Variants in CLVS2 observed in about 807,000 individuals in gnomAD.
CLVS2 encodes clavesin 2, also known as clavesin-2.
CLVS2 carries 19 observed loss-of-function variants against 29.0 expected under a neutral mutation model. The observed-to-expected ratio is 0.66, with a 90% confidence interval of 0.46 to 0.96. The LOEUF (loss-of-function observed/expected upper bound fraction) is 0.96, where lower values mean the gene tolerates loss of function less well. CLVS2 is among the 40% of genes least tolerant of loss of function. CLVS2 has a pLI of 0.00. For synonymous variants in CLVS2, 161 were observed against 151.3 expected, an observed-to-expected ratio of 1.06 and a Z score of -0.47; for missense variants, 294 against 404.1, an observed-to-expected ratio of 0.73 and a Z score of 2.34.
Position 123,037,834 on chromosome 6 carries a change from A to G in CLVS2, c.565-10788A>G, listed in dbSNP as rs1029875702. ...CTCCACATTAAATTGGTTGCACTAA[A>G]ATATAAATATTAAAATGTGAAGTTT... On this transcript the variant is annotated intron_variant, in intron 3 of 5. Transcript: ENST00000275162. Among the ~76,000 whole-genome samples the G allele has an allele frequency of 2.0e-4, 31 of 152,186 alleles. 2 individuals carry two copies. The highest frequency in any genetic ancestry group is 1.6e-3 in the Admixed American group (24 of 15,258).
intron 3 of CLVS2, among the ~76,000 whole-genome samples, chr6:123,013,635 T>C (rs1216013720): frequency 1.3e-5 from 2 of 151,110 alleles, no homozygotes. Flanking sequence ...AACCTACTTA[T>C]TTTTTTGCAT....
At chr6:123,052,256 C>G (rs1037525062) in intron 4 of CLVS2, among the ~76,000 whole-genome samples, 1 of 152,022 alleles carries the variant, frequency 6.6e-6, no homozygotes, top group African/African-American at 2.4e-5. Context: ...GACAAGGGGC[C>G]TTTTAAGAAG....
intron 3 of CLVS2, among the ~76,000 whole-genome samples, chr6:123,040,014 C>T (rs1419452427): frequency 6.6e-6 from 1 of 152,114 alleles, no homozygotes; most frequent in Non-Finnish European, 1.5e-5. Flanking sequence ...GAGTTTTATC[C>T]TGGTATAGAG....
chr6:123,032,114 TA>T (rs1775091778), intron 3 of CLVS2, among the ~76,000 whole-genome samples: 1 of 152,112 alleles, frequency 6.6e-6, no homozygotes, highest in Non-Finnish European at 1.5e-5. Flanking sequence ...TGGGTTCACT[TA>T]ACTCTTAACT....
chr6:123,054,166 C>T (rs2114361224), intron 4 of CLVS2, among the ~76,000 whole-genome samples: 1 of 152,130 alleles, frequency 6.6e-6, no homozygotes, highest in African/African-American at 2.4e-5. Context: ...GTGAATGATC[C>T]CATTTGATAA....
intron 3 of CLVS2, among the ~76,000 whole-genome samples, chr6:123,039,522 G>A (rs1298637427): frequency 6.6e-6 from 1 of 152,118 alleles, no homozygotes; most frequent in East Asian, 1.9e-4. Flanking sequence ...TGAGACTGGT[G>A]CTTCCTAGAC....
rs974753697 is a variant in CLVS2, at chr6:123,065,859, G to A, written c.*2098G>A. On this transcript the variant is annotated 3_prime_UTR_variant, in exon 6 of 6. Transcript: ENST00000275162. ...CAGTTTCAGATGTCAACCAGCATTGGCAGCTTCTTTCCCCTATCGTAAAGT... is the reference window on the plus strand; with the variant it reads ...CAGTTTCAGATGTCAACCAGCATTGACAGCTTCTTTCCCCTATCGTAAAGT... 3 of 151,686 alleles carry A rather than the reference G, an allele frequency of 2.0e-5. No individual in the cohort carries two copies. The highest frequency in any genetic ancestry group is 7.3e-5 in the African/African-American group (3 of 41,368). The allele number at this position is 151,686 out of a possible 1,614,324, so 9.4% of individuals were successfully genotyped here. A position where few individuals can be genotyped will look rare whatever the true frequency, so the allele number is the denominator to read the frequency against.
At chr6:123,054,877 T>C (rs1489314470) in intron 4 of CLVS2, among the ~76,000 whole-genome samples, 1 of 151,824 alleles carries the variant, frequency 6.6e-6, no homozygotes, top group African/African-American at 2.4e-5. Context: ...CAGAAATGCA[T>C]GAAGAAAATG....
intron 4 of CLVS2, among the ~76,000 whole-genome samples, chr6:123,054,852 A>G (rs1215730940): frequency 6.6e-6 from 1 of 151,318 alleles, no homozygotes; most frequent in Non-Finnish European, 1.5e-5. Context: ...ACTATTTAGG[A>G]TGGTAGAAGA....
At chr6:123,037,693 T>C (rs1775174402) in intron 3 of CLVS2, among the ~76,000 whole-genome samples, 1 of 152,050 alleles carries the variant, frequency 6.6e-6, no homozygotes, top group Non-Finnish European at 1.5e-5. Flanking sequence ...ACCTGGTATG[T>C]GGATGTCTGT....
intron 3 of CLVS2, among the ~76,000 whole-genome samples, chr6:123,012,473 A>G (rs1244540399): frequency 1.3e-5 from 2 of 151,666 alleles, no homozygotes; most frequent in Non-Finnish European, 2.9e-5. Flanking sequence ...GGACTGGAGA[A>G]CTCATATTTT....
rs1489249576 is a variant in CLVS2 at position 123,065,195 on chromosome 6, A to G, written c.*1434A>G. The stretch of plus-strand genomic sequence containing the variant: ...TTCATAAAATTTATACAATTACAGC[A>G]AATCTTAATTTTTTAATTTTAAATT... On this transcript the variant is annotated 3_prime_UTR_variant, in exon 6 of 6. Coordinates refer to ENST00000275162, the MANE Select transcript of CLVS2 (RefSeq NM_001010852.4). 1 of 151,870 alleles carries G rather than the reference A, an allele frequency of 6.6e-6. No homozygotes were observed. Among genetic ancestry groups the G allele is most frequent in the East Asian group, 1.9e-4 (1 of 5,202 alleles). The allele number at this position is 151,870 out of a possible 1,614,324, so 9.4% of individuals were successfully genotyped here.
intron 3 of CLVS2, among the ~76,000 whole-genome samples, chr6:123,038,512 A>G (rs1775185558): frequency 1.3e-5 from 2 of 152,144 alleles, no homozygotes; most frequent in Admixed American, 6.6e-5. Flanking sequence ...ACATGCATGC[A>G]TATGTATAGT....
intron 3 of CLVS2, among the ~76,000 whole-genome samples, chr6:123,037,637 C>G (rs1274120239): frequency 6.6e-6 from 1 of 152,014 alleles, no homozygotes; most frequent in East Asian, 1.9e-4. Context: ...CCCTGACCCT[C>G]ACTGCCTTAA....
At position 123,065,520 on chromosome 6, in the gene CLVS2, C is replaced by T. The variant is rs1013275539; in HGVS notation, c.*1759C>T. 1.3e-5 allele frequency: 2 copies of T among 151,810 alleles called. No individual in the cohort carries two copies. The highest frequency in any genetic ancestry group is 4.8e-5 in the African/African-American group (2 of 41,400). 9.4% of individuals were successfully genotyped at this position (151,810 alleles called of 1,614,324 possible). On this transcript the variant is annotated 3_prime_UTR_variant, in exon 6 of 6. Coordinates refer to ENST00000275162, the MANE Select transcript of CLVS2 (RefSeq NM_001010852.4). ...AAGATACCTTAATAATGCCAACCTC[C>T]AGTCAAGTGCAGAAGAATAATGACT...
chr6:123,054,026 G>A (rs748036813), intron 4 of CLVS2, among the ~76,000 whole-genome samples: 22 of 152,054 alleles, frequency 1.4e-4, no homozygotes, highest in Admixed American at 9.8e-4. Flanking sequence ...AGGCCAAAGC[G>A]GAAAATGATG....
chr6:123,048,353 T>G (rs113170150), intron 3 of CLVS2, among the ~76,000 whole-genome samples: 1,760 of 152,230 alleles, frequency 0.012, 27 homozygotes, highest in African/African-American at 0.041. Flanking sequence ...TAGCAGTTTA[T>G]AGGCTTAAAC....
intron 3 of CLVS2, among the ~76,000 whole-genome samples, chr6:123,015,276 T>C (rs930870420): frequency 6.6e-6 from 1 of 151,828 alleles, no homozygotes; most frequent in African/African-American, 2.4e-5. Context: ...TCTCCAAATA[T>C]AGGGAGGTTT....
At chr6:123,043,597 A>G (rs1343783841) in intron 3 of CLVS2, among the ~76,000 whole-genome samples, 6 of 152,192 alleles carry the variant, frequency 3.9e-5, no homozygotes, top group Non-Finnish European at 8.8e-5. Context: ...ATTTCTGCTT[A>G]TGTTCACACT....
Sources: allele counts gnomAD v4.1 joint callset (sites outside exome capture counted in the v4.1 genomes callset), GRCh38; gene constraint gnomAD v4.1.1; transcripts MANE v1.5; gene names NCBI Gene and HGNC (gene_info 2026-07-23, HGNC 2026-07-21).